The following ACVR1C variants were observed in gnomAD, a reference collection of about 807,000 sequenced individuals.
ACVR1C encodes the protein activin A receptor type 1C.
ACVR1C carries 23 observed loss-of-function variants against 57.9 expected under a neutral mutation model. That is an observed-to-expected ratio of 0.40 (90% CI 0.29 to 0.56). The LOEUF is 0.56. Among genes scored for constraint, ACVR1C ranks in the 20% least tolerant of loss-of-function variants. The pLI is 0.50. For synonymous variants in ACVR1C, 214 were observed against 215.3 expected, an observed-to-expected ratio of 0.99 and a Z score of 0.05; for missense variants, 480 against 607.9, an observed-to-expected ratio of 0.79 and a Z score of 2.21.
chr2:157,564,906 T>C (rs1688323891), intron 2 of ACVR1C, among the ~76,000 whole-genome samples: 1 of 151,790 alleles, frequency 6.6e-6, no homozygotes, highest in African/African-American at 2.4e-5. Flanking sequence ...AGTTGAACAA[T>C]GAGAACACAT....
chr2:157,576,652 T>A (rs1008558356), intron 2 of ACVR1C, among the ~76,000 whole-genome samples: 1 of 152,190 alleles, frequency 6.6e-6, no homozygotes, highest in African/African-American at 2.4e-5. Flanking sequence ...GCACATATGT[T>A]CATGAATGAG....
At chr2:157,545,877 C>T (rs931878987) in intron 4 of ACVR1C, among the ~76,000 whole-genome samples, 1 of 152,132 alleles carries the variant, frequency 6.6e-6, no homozygotes, top group African/African-American at 2.4e-5. Flanking sequence ...TGGGTTCAAG[C>T]AATTCTCCTG....
At chr2:157,624,151 C>G (rs1682847737) in intron 1 of ACVR1C, among the ~76,000 whole-genome samples, 1 of 152,130 alleles carries the variant, frequency 6.6e-6, no homozygotes, top group Admixed American at 6.5e-5. Context: ...TTTGGTAGGT[C>G]AAGACTAAGC....
Position 157,528,984 on chromosome 2 carries a change from G to A in ACVR1C, c.*4934C>T, listed in dbSNP as rs1687297205. 6.6e-6 allele frequency: 1 copy of A among 152,060 alleles called. No individual in the cohort carries two copies. The highest frequency in any genetic ancestry group is 1.5e-5 in the Non-Finnish European group (1 of 67,986). The allele number at this position is 152,060 out of a possible 1,614,324, so 9.4% of individuals were successfully genotyped here. ...AAATACAGGAATTATAGAGTGACTTGGGATTGATGAGATCTGCCAAACATT... is the reference window on the plus strand; with the variant it reads ...AAATACAGGAATTATAGAGTGACTTAGGATTGATGAGATCTGCCAAACATT... On this transcript the variant is annotated 3_prime_UTR_variant, in exon 9 of 9. Transcript: ENST00000243349.
At chr2:157,547,501 A>G in intron 4 of ACVR1C, among the ~76,000 whole-genome samples, 7 of 127,680 alleles carry the variant, frequency 5.5e-5, no homozygotes, top group Non-Finnish European at 8.4e-5. Context: ...CTTTTTAATG[A>G]TTGCCATTCT....
intron 2 of ACVR1C, among the ~76,000 whole-genome samples, chr2:157,566,773 G>A (rs892635918): frequency 2.0e-5 from 3 of 151,814 alleles, no homozygotes; most frequent in Admixed American, 6.6e-5. Flanking sequence ...AGGCGGCAAC[G>A]AGGCTGGGGG....
chr2:157,592,167 C>G (rs76844643), intron 1 of ACVR1C, among the ~76,000 whole-genome samples: 1 of 152,014 alleles, frequency 6.6e-6, no homozygotes, highest in Non-Finnish European at 1.5e-5. Context: ...AATTCAATAT[C>G]ATGTGCCTTG....
Position 157,579,815 on chromosome 2 carries a change from A to G in ACVR1C, c.304+7372T>C, listed in dbSNP as rs376827858. Among the ~76,000 whole-genome samples the G allele has an allele frequency of 3.8e-4, 58 of 152,290 alleles. No individual in the cohort carries two copies. In the East Asian group the frequency reaches 9.6e-3, roughly 25 times the overall value. The stretch of plus-strand genomic sequence containing the variant: ...TGAATTTCCTTATTAAGATATTATT[A>G]TCTAAATTTCGGATACTTTTATTTA... On this transcript the variant is annotated intron_variant, in intron 2 of 8. Coordinates refer to ENST00000243349, the MANE Select transcript of ACVR1C (RefSeq NM_145259.3).
chr2:157,547,573 G>A (rs1164188500), intron 4 of ACVR1C, among the ~76,000 whole-genome samples: 4 of 145,412 alleles, frequency 2.8e-5, no homozygotes, highest in Non-Finnish European at 4.5e-5. Flanking sequence ...GGCCAGTGAC[G>A]GTGAGCATTT....
intron 2 of ACVR1C, among the ~76,000 whole-genome samples, chr2:157,574,806 T>A (rs977160845): frequency 2.4e-4 from 36 of 152,194 alleles, no homozygotes; most frequent in African/African-American, 8.7e-4. Context: ...GATGGCTTCA[T>A]AAAGTTTTCA....
chr2:157,615,333 AC>A (rs1489579962), intron 1 of ACVR1C, among the ~76,000 whole-genome samples: 4 of 150,038 alleles, frequency 2.7e-5, no homozygotes, highest in African/African-American at 9.9e-5. Context: ...AAAAAAAAAA[AC>A]ACAAAAAGTA....
intron 1 of ACVR1C, chr2:157,597,523 C>A (rs949684050): frequency 1.0e-6 from 1 of 985,454 alleles, no homozygotes; most frequent in Non-Finnish European, 1.2e-6. Flanking sequence ...GACGACAGCT[C>A]CCGCGGGGCT....
intron 1 of ACVR1C, among the ~76,000 whole-genome samples, chr2:157,596,356 C>T (rs573247863): frequency 2.6e-5 from 4 of 152,174 alleles, no homozygotes; most frequent in African/African-American, 9.6e-5. Context: ...ACGATACTTG[C>T]CCCTTGACAA....
chr2:157,587,377 G>A lies in ACVR1C; in HGVS notation c.114C>T (p.Phe38=), dbSNP rs4556933. The A allele has an allele frequency of 0.4, 638,227 of 1,612,616 alleles. 131,012 individuals are homozygous for A. Among genetic ancestry groups the A allele is most frequent in the African/African-American group, 0.66 (49,554 of 74,832 alleles). ...CVCLLCDSSN[F]TCQTEGACWA... ...AACATGCTCCTTCTGTTTGGCAGGT[G>A]AAGTTTGAAGAATCACACAAAAGAC... The change falls in exon 2 of 9, where the codon TTC becomes TTT. Residue 38 remains phenylalanine (F), a synonymous_variant. Coordinates refer to ENST00000243349, the MANE Select transcript of ACVR1C (RefSeq NM_145259.3).
At chr2:157,613,720 G>A (rs988792942) in intron 1 of ACVR1C, among the ~76,000 whole-genome samples, 12 of 152,160 alleles carry the variant, frequency 7.9e-5, no homozygotes, top group African/African-American at 2.9e-4. Context: ...AACTCCACAA[G>A]AAAATAATGT....
chr2:157,620,047 C>G (rs1048688235), intron 1 of ACVR1C, among the ~76,000 whole-genome samples: 2 of 152,040 alleles, frequency 1.3e-5, no homozygotes, highest in African/African-American at 4.8e-5. Flanking sequence ...CAATAACTCT[C>G]TATACTTCTA....
chr2:157,623,907 T>A (rs1682840640), intron 1 of ACVR1C, among the ~76,000 whole-genome samples: 1 of 152,096 alleles, frequency 6.6e-6, no homozygotes, highest in African/African-American at 2.4e-5. Flanking sequence ...TTGAATAATT[T>A]AAATTTTTTT....
At chr2:157,598,232 T>C (rs912916631) in intron 1 of ACVR1C, among the ~76,000 whole-genome samples, 1 of 149,308 alleles carries the variant, frequency 6.7e-6, no homozygotes, top group African/African-American at 2.5e-5. Flanking sequence ...TCTATTACTA[T>C]GATTTCAAAA....
chr2:157,609,157 T>G (rs1682473495), intron 1 of ACVR1C, among the ~76,000 whole-genome samples: 2 of 151,922 alleles, frequency 1.3e-5, no homozygotes, highest in Admixed American at 6.6e-5. Context: ...CAGGTTTTGA[T>G]ATGCTGTTTT....
Sources: allele counts gnomAD v4.1 joint callset (sites outside exome capture counted in the v4.1 genomes callset), GRCh38; gene constraint gnomAD v4.1.1; transcripts MANE v1.5; gene names NCBI Gene and HGNC (gene_info 2026-07-23, HGNC 2026-07-21).